The following BEND7 variants were observed in gnomAD, a reference collection of about 807,000 sequenced individuals.
The protein encoded by BEND7 is BEN domain-containing protein 7.
In BEND7, 28 loss-of-function variants were observed where a neutral mutation model predicts 50.9. The ratio of observed to expected loss-of-function variants is 0.55; its 90% CI spans 0.41 to 0.75. BEND7 has a LOEUF of 0.75. Ranked by LOEUF, BEND7 falls within the 30% of genes least tolerant of loss-of-function variation. BEND7 has a pLI of 0.00. For synonymous variants in BEND7, 170 were observed against 183.9 expected, an observed-to-expected ratio of 0.92 and a Z score of 0.61; for missense variants, 477 against 491.3, an observed-to-expected ratio of 0.97 and a Z score of 0.28.
intron 7 of BEND7, among the ~76,000 whole-genome samples, chr10:13,450,184 GCAC>G (rs779742101): frequency 3.9e-5 from 6 of 152,174 alleles, no homozygotes; most frequent in African/African-American, 7.2e-5. Context: ...TCTGTGTGGG[GCAC>G]TTCTTTTTTT....
intron 6 of BEND7, among the ~76,000 whole-genome samples, chr10:13,470,751 C>A (rs2074737599): frequency 6.6e-6 from 1 of 152,104 alleles, no homozygotes; most frequent in East Asian, 1.9e-4. Flanking sequence ...GGGATGGGGC[C>A]GAGGTAGCTT....
In BEND7 at chr10:13,528,469, T is replaced by C; in HGVS notation, c.61+4A>G. The C allele has an allele frequency of 4.9e-6, 5 of 1,022,836 alleles. No homozygotes were observed. Among genetic ancestry groups the C allele is most frequent in the Non-Finnish European group, 5.8e-6 (5 of 855,480 alleles). The allele number at this position is 1,022,836 out of a possible 1,614,324, so 63.4% of individuals were successfully genotyped here. ...CTGCCCCCGCCGCCCCGGCGGCCGC[T>C]TACCTCGGCTCACCAGTTTGAAGCT... On this transcript the variant is annotated splice_donor_region_variant and intron_variant, in intron 1 of 8. Transcript: ENST00000466271.
At chr10:13,495,023 T>C (rs1423057665) in intron 4 of BEND7, among the ~76,000 whole-genome samples, 1 of 152,214 alleles carries the variant, frequency 6.6e-6, no homozygotes, top group East Asian at 1.9e-4. Context: ...AAAGAAAACA[T>C]AGCGACAAAG....
intron 6 of BEND7, among the ~76,000 whole-genome samples, chr10:13,478,418 A>G (rs2075614483): frequency 6.6e-6 from 1 of 152,256 alleles, no homozygotes. Flanking sequence ...AGCTCTTTCA[A>G]GAGCAACAGG....
intron 3 of BEND7, among the ~76,000 whole-genome samples, chr10:13,497,522 T>G (rs1238875530): frequency 1.3e-5 from 2 of 152,174 alleles, no homozygotes; most frequent in Non-Finnish European, 2.9e-5. Context: ...TTTCTTCAGC[T>G]TCACAAAGAA....
chr10:13,474,685 T>C (rs967957094), intron 6 of BEND7, among the ~76,000 whole-genome samples: 13 of 151,336 alleles, frequency 8.6e-5, no homozygotes, highest in Non-Finnish European at 2.9e-5. Context: ...ATATCCGTCA[T>C]CAGTGTTGGG....
intron 2 of BEND7, among the ~76,000 whole-genome samples, chr10:13,514,587 A>G (rs1324306444): frequency 2.0e-5 from 3 of 151,982 alleles, no homozygotes; most frequent in Non-Finnish European, 2.9e-5. Flanking sequence ...AAACCAGGGA[A>G]GTTGGGTCGG....
At chr10:13,458,845 A>G (rs1260633228) in intron 6 of BEND7, among the ~76,000 whole-genome samples, 1 of 152,152 alleles carries the variant, frequency 6.6e-6, no homozygotes, top group East Asian at 1.9e-4. Context: ...GACCACAACC[A>G]GGGTCCCTCC....
At chr10:13,463,219 T>C (rs762273961) in intron 6 of BEND7, among the ~76,000 whole-genome samples, 5 of 152,228 alleles carry the variant, frequency 3.3e-5, no homozygotes, top group Non-Finnish European at 7.3e-5. Flanking sequence ...AAGCTTAGCA[T>C]TCCAATAATG....
At chr10:13,455,987 G>T (rs939047815) in intron 6 of BEND7, among the ~76,000 whole-genome samples, 1 of 152,162 alleles carries the variant, frequency 6.6e-6, no homozygotes, top group African/African-American at 2.4e-5. Context: ...GTCTCCTGCA[G>T]CTCCTTTAGG....
At chr10:13,479,808 T>TGTCCTTC (rs58818716) in intron 6 of BEND7, among the ~76,000 whole-genome samples, 76,940 of 151,484 alleles carry the variant, frequency 0.51, 20,853 homozygotes, top group East Asian at 0.75. Context: ...TGAAGGCTTA[T>TGTCCTTC]GTCCTTCTGG....
At chr10:13,492,522 C>T in intron 5 of BEND7, 89 bp downstream of exon 5, 1 of 1,495,730 alleles carries the variant, frequency 6.7e-7, no homozygotes, top group African/African-American at 1.4e-5. Flanking sequence ...GCAAGTTTCT[C>T]TAGTTGTCAA....
chr10:13,458,271 T>G (rs761229964), intron 6 of BEND7, among the ~76,000 whole-genome samples: 6 of 152,238 alleles, frequency 3.9e-5, no homozygotes, highest in Non-Finnish European at 8.8e-5. Context: ...GTAATCATCA[T>G]CAAGTGAAGG....
chr10:13,447,850 C>T (rs542091198), intron 7 of BEND7, among the ~76,000 whole-genome samples: 1 of 152,246 alleles, frequency 6.6e-6, no homozygotes, highest in East Asian at 1.9e-4. Flanking sequence ...TTTATTTTCA[C>T]TTATTTACAT....
chr10:13,492,912 T>G (rs764359130), intron 4 of BEND7, 36 bp from the exon 5 acceptor site: 9 of 1,576,418 alleles, frequency 5.7e-6, no homozygotes, highest in Non-Finnish European at 7.7e-6. Context: ...TACAGGCACG[T>G]GTGTCTGACT....
downstream of BEND7, among the ~76,000 whole-genome samples, chr10:13,439,979 C>A (rs764513431): frequency 1.4e-4 from 21 of 152,178 alleles, no homozygotes; most frequent in Non-Finnish European, 2.5e-4. Flanking sequence ...CAGTGTCTGC[C>A]CAGTTGGTGT....
intron 5 of BEND7, among the ~76,000 whole-genome samples, chr10:13,491,658 T>C (rs1450211760): frequency 6.6e-6 from 1 of 151,882 alleles, no homozygotes; most frequent in African/African-American, 2.4e-5. Flanking sequence ...ATGATTTTTG[T>C]CCCCTCCCTT....
Position 13,513,305 on chromosome 10 carries a change from G to A in BEND7, c.145+12833C>T, listed in dbSNP as rs552780346. 1.6e-4 allele frequency among the ~76,000 whole-genome samples: 24 copies of A among 152,150 alleles called. No homozygotes were observed. In the East Asian group the frequency reaches 3.5e-3, roughly 22 times the overall value. Reference sequence around the variant, plus strand: ...CCTCCATGCTCTTCCTGGATTCACCGTCCTCTCTCCTGGCTCCACTGACTA... The same window carrying A: ...CCTCCATGCTCTTCCTGGATTCACCATCCTCTCTCCTGGCTCCACTGACTA... On this transcript the variant is annotated intron_variant, in intron 2 of 8. Transcript: ENST00000466271.
chr10:13,486,014 T>C (rs1307496396), intron 5 of BEND7, among the ~76,000 whole-genome samples: 1 of 152,160 alleles, frequency 6.6e-6, no homozygotes, highest in African/African-American at 2.4e-5. Flanking sequence ...CCTGAGTAGC[T>C]TGGGCTACAA....
Sources: allele counts gnomAD v4.1 joint callset (sites outside exome capture counted in the v4.1 genomes callset), GRCh38; gene constraint gnomAD v4.1.1; transcripts MANE v1.5; gene names NCBI Gene and HGNC (gene_info 2026-07-23, HGNC 2026-07-21).